NRG1: variants seen among roughly 807,000 people sequenced by gnomAD.
The protein encoded by NRG1 is pro-neuregulin-1, membrane-bound isoform.
A neutral mutation model predicts 63.8 loss-of-function variants in NRG1; 18 were observed. That is an observed-to-expected ratio of 0.28 (90% CI 0.19 to 0.42). NRG1 has a LOEUF of 0.42. NRG1 is among the 10% of genes least tolerant of loss of function. NRG1 has a pLI of 1.00. For synonymous variants in NRG1, 302 were observed against 301.3 expected (o/e 1.00, Z -0.02); for missense variants, 762 against 814.7 (o/e 0.94, Z 0.79).
intron 5 of NRG1, among the ~76,000 whole-genome samples, chr8:32,670,685 A>G (rs185664105): frequency 1.3e-5 from 2 of 152,334 alleles, no homozygotes; most frequent in East Asian, 1.9e-4. Context: ...GTACTTTGAC[A>G]TATGTTACCC....
At chr8:31,986,120 G>C (rs1810025274) in intron 1 of NRG1, among the ~76,000 whole-genome samples, 1 of 152,120 alleles carries the variant, frequency 6.6e-6, no homozygotes, top group Non-Finnish European at 1.5e-5. Flanking sequence ...GGACTGCAGT[G>C]TTGGATGCCT....
chr8:32,479,257 C>T (rs1195661980), intron 1 of NRG1, among the ~76,000 whole-genome samples: 1 of 152,012 alleles, frequency 6.6e-6, no homozygotes, highest in Non-Finnish European at 1.5e-5. Flanking sequence ...AGGTGGATCA[C>T]CTGAGGTCAG....
chr8:32,141,612 A>G (rs1836280830), intron 1 of NRG1, among the ~76,000 whole-genome samples: 1 of 138,174 alleles, frequency 7.2e-6, no homozygotes, highest in South Asian at 2.3e-4. Flanking sequence ...ATATATATAT[A>G]TATATATATA....
chr8:32,076,758 T>C (rs1048094442), intron 1 of NRG1, among the ~76,000 whole-genome samples: 2 of 152,192 alleles, frequency 1.3e-5, no homozygotes, highest in Non-Finnish European at 2.9e-5. Context: ...ATGCGTACTT[T>C]GAGGTACAAC....
At chr8:32,087,563 C>A (rs147972091) in intron 1 of NRG1, among the ~76,000 whole-genome samples, 1 of 140,972 alleles carries the variant, frequency 7.1e-6, no homozygotes, top group South Asian at 2.2e-4. Context: ...CTTCGCCTCC[C>A]GGGTTCAAGC....
intron 5 of NRG1, among the ~76,000 whole-genome samples, chr8:32,696,656 C>CT (rs143232293): frequency 1.1e-3 from 98 of 86,574 alleles, no homozygotes; most frequent in African/African-American, 3.4e-3. Flanking sequence ...TATAATCTAT[C>CT]TTTTTTTTTT....
At chr8:31,827,759 T>A (rs1224111095) in intron 1 of NRG1, among the ~76,000 whole-genome samples, 1 of 152,238 alleles carries the variant, frequency 6.6e-6, no homozygotes, top group Non-Finnish European at 1.5e-5. Context: ...CCTTTGAAAG[T>A]CTGGCTTTCA....
intron 1 of NRG1, among the ~76,000 whole-genome samples, chr8:32,262,622 A>G (rs1323362215): frequency 6.6e-6 from 1 of 152,206 alleles, no homozygotes; most frequent in African/African-American, 2.4e-5. Flanking sequence ...CCTTGATTGT[A>G]AAACCCACTA....
At chr8:32,679,745 C>G (rs973684783) in intron 5 of NRG1, among the ~76,000 whole-genome samples, 14 of 152,258 alleles carry the variant, frequency 9.2e-5, no homozygotes, top group African/African-American at 3.4e-4. Flanking sequence ...CAAGTCCAAT[C>G]TATTTTTCTG....
In NRG1 at chr8:31,728,076, A is replaced by G. The variant is rs552431525; in HGVS notation, c.37+88645A>G. Among the ~76,000 whole-genome samples the G allele has an allele frequency of 1.5e-4, 23 of 152,292 alleles. 1 individual carries two copies. In the East Asian group the frequency reaches 4.2e-3, roughly 28 times the overall value. The stretch of plus-strand genomic sequence containing the variant: ...ATAGTGGATAATTTAAAAATTAGGA[A>G]TTGTTTACTTCTGAAATTTTCCACA... On this transcript the variant is annotated intron_variant, in intron 1 of 10. Coordinates refer to the NRG1 transcript ENST00000519301.
intron 1 of NRG1, among the ~76,000 whole-genome samples, chr8:32,455,940 C>G (rs1821538580): frequency 6.6e-6 from 1 of 152,278 alleles, no homozygotes; most frequent in Non-Finnish European, 1.5e-5. Flanking sequence ...CACCACCACG[C>G]CCAGCTAATT....
intron 1 of NRG1, among the ~76,000 whole-genome samples, chr8:31,733,942 G>T (rs1022000606): frequency 6.6e-6 from 1 of 152,074 alleles, no homozygotes; most frequent in African/African-American, 2.4e-5. Flanking sequence ...ACTGGACTCG[G>T]GCTAGGTGAT....
At chr8:31,871,407 C>CT (rs1829473800) in intron 1 of NRG1, among the ~76,000 whole-genome samples, 2 of 152,220 alleles carry the variant, frequency 1.3e-5, no homozygotes, top group Middle Eastern at 3.4e-3. Context: ...CTCACAAAAT[C>CT]CACTGCCCTC....
rs1235833561 is a variant in NRG1, at chr8:32,280,680, GT to G, written c.38-315138del. On this transcript the variant is annotated intron_variant, in intron 1 of 10. Transcript: ENST00000519301. ...GGTGTCTTTCATGCAACTGAATTAG[GT>G]TTTTTTTTTGTTTTTTTTTTTTTTT... Among the ~76,000 whole-genome samples, 37 of 53,758 alleles carry G rather than the reference GT, an allele frequency of 6.9e-4. 1 individual carries two copies. Among genetic ancestry groups the G allele is most frequent in the East Asian group, 2.6e-3 (3 of 1,172 alleles). The allele number at this position is 53,758 out of a possible 152,430, so 35.3% of individuals were successfully genotyped here.
intron 1 of NRG1, among the ~76,000 whole-genome samples, chr8:32,099,001 G>T (rs1830225148): frequency 6.6e-6 from 1 of 152,172 alleles, no homozygotes; most frequent in African/African-American, 2.4e-5. Context: ...GGGGCCAGTG[G>T]CACAGGAGTA....
At chr8:32,730,259 A>G (rs1374170866) in intron 6 of NRG1, among the ~76,000 whole-genome samples, 1 of 152,070 alleles carries the variant, frequency 6.6e-6, no homozygotes, top group Non-Finnish European at 1.5e-5. Flanking sequence ...ACCAACCTGG[A>G]CAATGTAGCA....
rs539173800 is a variant in NRG1, at chr8:32,243,741, G to A, written c.38-352087G>A. On this transcript the variant is annotated intron_variant, in intron 1 of 10. Transcript: ENST00000519301. ...ACTGTGACGGTGTTTGAGATGGGGC[G>A]TCTGTGAGGCTTTAATAGGTTTAGA... 1.4e-4 allele frequency among the ~76,000 whole-genome samples: 22 copies of A among 152,182 alleles called. No individual in the cohort carries two copies. In the East Asian group the frequency reaches 1.7e-3, roughly 12 times the overall value.
intron 5 of NRG1, among the ~76,000 whole-genome samples, chr8:32,708,150 A>G (rs1279118641): frequency 1.3e-5 from 2 of 152,186 alleles, no homozygotes; most frequent in Non-Finnish European, 2.9e-5. Flanking sequence ...ATGATCTACA[A>G]TAATTTTGAT....
chr8:32,436,090 G>A (rs1818749257), intron 1 of NRG1, among the ~76,000 whole-genome samples: 1 of 152,154 alleles, frequency 6.6e-6, no homozygotes, highest in Non-Finnish European at 1.5e-5. Context: ...AAGAAAAAGA[G>A]GTTTAATGAA....
Sources: gnomAD v4.1 joint callset for allele counts (sites outside exome capture counted in the v4.1 genomes callset) on GRCh38, gnomAD v4.1.1 for gene constraint, MANE v1.5 for transcripts, NCBI Gene and HGNC (gene_info 2026-07-23, HGNC 2026-07-21) for gene names.